MGME1: variants seen among roughly 807,000 people sequenced by gnomAD.
MGME1 encodes the protein chromosome 20 open reading frame 72.
A neutral mutation model predicts 33.0 loss-of-function variants in MGME1; 22 were observed. The observed-to-expected ratio is 0.67, with a 90% confidence interval of 0.48 to 0.95. The LOEUF (loss-of-function observed/expected upper bound fraction) is 0.95. Among genes scored for constraint, MGME1 ranks in the 40% least tolerant of loss-of-function variants. The pLI is 0.00. For missense variants in MGME1, 383 were observed against 397.8 expected (o/e 0.96, Z 0.32); for synonymous variants, 133 against 144.0 (o/e 0.92, Z 0.55).
upstream of MGME1, chr20:17,968,609 G>C (rs768213203): frequency 1.6e-6 from 1 of 635,554 alleles, no homozygotes; most frequent in South Asian, 1.6e-5. Context: ...GGGAGCAGGC[G>C]AGCAGGGCGC....
intron 3 of MGME1, among the ~76,000 whole-genome samples, chr20:17,985,500 G>T (rs150160465): frequency 6.6e-6 from 1 of 152,098 alleles, no homozygotes; most frequent in Non-Finnish European, 1.5e-5. Context: ...AAAGAAAAAC[G>T]TTTTTTATAA....
intron 3 of MGME1, 75 bp downstream of exon 3, chr20:17,975,978 T>C: frequency 8.5e-7 from 1 of 1,181,046 alleles, no homozygotes. Flanking sequence ...CTGTAGGTAC[T>C]GTAGCCTCTG....
At position 17,970,188 on chromosome 20, in the gene MGME1, A is replaced by G; in HGVS notation, c.329A>G (p.Asp110Gly). The change falls in exon 2 of 5, where the codon GAT (aspartate) becomes GGT (glycine). Residue 110 changes from aspartate to glycine, a missense_variant. Transcript: ENST00000377710. ...WFPIFNPERS[D>G]KPNASDPSVP... Reference sequence around the variant, plus strand: ...CCTATCTTCAATCCAGAGAGAAGTGATAAACCAAATGCAAGTGATCCTTCA... The same window carrying G: ...CCTATCTTCAATCCAGAGAGAAGTGGTAAACCAAATGCAAGTGATCCTTCA... 2.5e-6 allele frequency: 4 copies of G among 1,614,254 alleles called. No individual in the cohort carries two copies. The highest frequency in any genetic ancestry group is 3.4e-6 in the Non-Finnish European group (4 of 1,180,036).
intron 3 of MGME1, among the ~76,000 whole-genome samples, chr20:17,983,808 T>G (rs1432764571): frequency 6.6e-6 from 1 of 152,200 alleles, no homozygotes; most frequent in African/African-American, 2.4e-5. Flanking sequence ...TTTGTTACTA[T>G]TTAGTTGTTT....
chr20:17,977,762 C>T (rs899708786), intron 3 of MGME1, among the ~76,000 whole-genome samples: 3 of 152,180 alleles, frequency 2.0e-5, no homozygotes, highest in African/African-American at 7.2e-5. Context: ...GTTCCCTTAA[C>T]CTTAAACATC....
intron 2 of MGME1, among the ~76,000 whole-genome samples, chr20:17,971,828 G>C (rs924345196): frequency 6.6e-6 from 1 of 151,992 alleles, no homozygotes; most frequent in Non-Finnish European, 1.5e-5. Context: ...CTTGACCGCC[G>C]GGACCCAAGT....
Position 17,985,057 on chromosome 20 carries a change from AGAAAAG to A in MGME1, c.732-3103_732-3098del, listed in dbSNP as rs1291763195. Among the ~76,000 whole-genome samples the A allele has an allele frequency of 7.1e-4, 103 of 144,968 alleles. 1 individual carries two copies. The highest frequency in any genetic ancestry group is 3.6e-3 in the Middle Eastern group (1 of 278). On this transcript the variant is annotated intron_variant, in intron 3 of 4. Coordinates refer to ENST00000377710, the MANE Select transcript of MGME1 (RefSeq NM_052865.4). Reference sequence around the variant, plus strand: ...GTCTCAAAAAAAAAAAAAAAAAAAAAGAAAAGGAAAATATTTCTGTATAGTTGTACG... The same window carrying A: ...GTCTCAAAAAAAAAAAAAAAAAAAAAGAAAATATTTCTGTATAGTTGTACG...
At chr20:17,984,193 T>C (rs897289877) in intron 3 of MGME1, among the ~76,000 whole-genome samples, 1 of 152,230 alleles carries the variant, frequency 6.6e-6, no homozygotes, top group African/African-American at 2.4e-5. Flanking sequence ...GGTACCTTTA[T>C]TGAAAATCAA....
chr20:17,975,602 C>T, intron 2 of MGME1, 82 bp from the exon 3 acceptor site: 1 of 933,164 alleles, frequency 1.1e-6, no homozygotes, highest in Non-Finnish European at 1.7e-6. Context: ...TGTATTGTTT[C>T]AGGGCGTTTT....
In MGME1 at chr20:17,969,802, A is replaced by C; in HGVS notation, c.-58A>C. ...TGATGGTTGTTTTCTCTCCAATAGG[A>C]ATACAAACATAAAGGCCTTCGACCG... On this transcript the variant is annotated splice_region_variant and 5_prime_UTR_variant, in exon 2 of 5. Transcript: ENST00000377710. The C allele has an allele frequency of 6.7e-7, 1 of 1,499,058 alleles. No homozygotes were observed. Among genetic ancestry groups the C allele is most frequent in the South Asian group, 1.3e-5 (1 of 75,448 alleles). The allele number at this position is 1,499,058 out of a possible 1,614,324, so 92.9% of individuals were successfully genotyped here.
At chr20:17,988,033 G>A in intron 3 of MGME1, 133 bp from the exon 4 acceptor site, 1 of 862,488 alleles carries the variant, frequency 1.2e-6, no homozygotes, top group Non-Finnish European at 1.7e-6. Context: ...TTTTAAAAAA[G>A]GAAAAAAATG....
upstream of MGME1, chr20:17,968,680 A>C: frequency 1.7e-6 from 1 of 575,788 alleles, no homozygotes; most frequent in Non-Finnish European, 3.2e-6. Context: ...AGCCGGGCAA[A>C]GACGCCACGT....
chr20:17,979,714 C>G (rs2035958427), intron 3 of MGME1, among the ~76,000 whole-genome samples: 1 of 151,488 alleles, frequency 6.6e-6, no homozygotes, highest in East Asian at 2.0e-4. Flanking sequence ...CCGCACCGGG[C>G]CTAATAATTT....
At chr20:17,972,768 A>AAATGT (rs1382251703) in intron 2 of MGME1, 1 of 985,228 alleles carries the variant, frequency 1.0e-6, no homozygotes, top group Non-Finnish European at 1.2e-6. Flanking sequence ...TTGCAGCGAG[A>AAATGT]AATGTATGGT....
In MGME1 at chr20:17,970,274, C is replaced by T. The variant is rs2035690432; in HGVS notation, c.415C>T (p.Gln139Ter). 5.0e-6 allele frequency: 8 copies of T among 1,614,108 alleles called. No individual in the cohort carries two copies. The highest frequency in any genetic ancestry group is 5.9e-6 in the Non-Finnish European group (7 of 1,180,036). ...VIPSVTRVLQ[Q>*]TMTKQQVFLL... ...ACCAAGTGTGACCCGAGTCCTTCAG[C>T]AGACCATGACAAAACAACAGGTTTT... The change falls in exon 2 of 5, where the codon CAG (glutamine) becomes TAG (stop). Residue 139 changes from glutamine to a stop codon, truncating the protein, a stop_gained. Transcript: ENST00000377710. LOFTEE classifies it high-confidence loss of function.
chr20:17,968,594 G>A, upstream of MGME1: 1 of 654,168 alleles, frequency 1.5e-6, no homozygotes, highest in South Asian at 1.6e-5. Context: ...CATCCCAGCT[G>A]CCCCGGGAGC....
At chr20:17,972,436 AT>A (rs143594137) in intron 2 of MGME1, among the ~76,000 whole-genome samples, 74,142 of 125,662 alleles carry the variant, frequency 0.59, 20,088 homozygotes, top group South Asian at 0.69. Flanking sequence ...TTAGGTTTTA[AT>A]TTTTTTTTTT....
chr20:17,978,411 G>A (rs1027971629), intron 3 of MGME1, among the ~76,000 whole-genome samples: 1 of 152,012 alleles, frequency 6.6e-6, no homozygotes, highest in Non-Finnish European at 1.5e-5. Context: ...CGCCATGTTG[G>A]CCAGGCTGGT....
In MGME1 at chr20:17,988,261, T is replaced by C. The variant is rs1407789345; in HGVS notation, c.827T>C (p.Met276Thr). ...FDNPLQVVAY[M>T]GAMNHDTNYS... ...AACCCACTGCAAGTTGTGGCATACA[T>C]GGGTGCCATGAACCATGATACCAAC... Residue 276 changes from methionine (M) to threonine (T), a missense_variant, in exon 4 of 5, where the codon ATG becomes ACG. By Grantham distance (81) the Met-to-Thr change is moderately conservative. Transcript: ENST00000377710. 2 of 1,614,110 alleles carry C rather than the reference T, an allele frequency of 1.2e-6. No homozygotes were observed. Among genetic ancestry groups the C allele is most frequent in the Non-Finnish European group, 1.7e-6 (2 of 1,179,978 alleles).
Sources: allele counts gnomAD v4.1 joint callset (sites outside exome capture counted in the v4.1 genomes callset), GRCh38; gene constraint gnomAD v4.1.1; transcripts MANE v1.5; gene names NCBI Gene and HGNC (gene_info 2026-07-23, HGNC 2026-07-21).